SEMA5A: variants seen among roughly 807,000 people sequenced by gnomAD.
SEMA5A encodes the protein semaphorin 5A, also known as semaphorin-5A.
Under a neutral mutation model 135.5 loss-of-function variants are expected in SEMA5A, and 55 were observed. The observed-to-expected ratio is 0.41, with a 90% CI of 0.33 to 0.51. The LOEUF (loss-of-function observed/expected upper bound fraction) is 0.51. Among genes scored for constraint, SEMA5A ranks in the 20% least tolerant of loss-of-function variants. The probability of loss-of-function intolerance (pLI) is 0.37; values close to 1 mark genes in which losing one functional copy is unlikely to be tolerated. For missense variants in SEMA5A, 1,290 were observed against 1,419.9 expected (o/e 0.91, Z 1.47); for synonymous variants, 580 against 546.5 (o/e 1.06, Z -0.85).
At chr5:9,452,355 C>T (rs746648807) in intron 1 of SEMA5A, among the ~76,000 whole-genome samples, 1 of 152,210 alleles carries the variant, frequency 6.6e-6, no homozygotes, top group Non-Finnish European at 1.5e-5. Flanking sequence ...GCTGAAGCTG[C>T]ACTGGAATTC....
intron 15 of SEMA5A, among the ~76,000 whole-genome samples, chr5:9,114,489 A>G (rs1349775193): frequency 6.6e-6 from 1 of 152,170 alleles, no homozygotes. Context: ...GTAAAAGCAC[A>G]GTAAAAACTT....
intron 5 of SEMA5A, among the ~76,000 whole-genome samples, chr5:9,292,347 A>T (rs551105617): frequency 6.6e-6 from 1 of 152,190 alleles, no homozygotes; most frequent in Admixed American, 6.5e-5. Flanking sequence ...CGTTTACTCA[A>T]TCTAAAACCT....
Position 9,451,408 on chromosome 5 carries a change from T to C in SEMA5A, c.-174-13556A>G, listed in dbSNP as rs141435974. On this transcript the variant is annotated intron_variant, in intron 1 of 22. Transcript: ENST00000382496. ...CAAACTGCCTTGCCCTATGTGCCCT[T>C]TACTGCTTCTCTTTTTCAGGGTACG... 6.9e-3 allele frequency among the ~76,000 whole-genome samples: 1,045 copies of C among 152,288 alleles called. 13 individuals carry two copies. The highest frequency in any genetic ancestry group is 0.024 in the African/African-American group (996 of 41,556).
intron 22 of SEMA5A, 65 bp from the exon 23 acceptor site, chr5:9,043,081 C>T: frequency 5.8e-6 from 8 of 1,369,136 alleles, no homozygotes; most frequent in Non-Finnish European, 8.2e-6. Flanking sequence ...AATAATATAA[C>T]AAGGATGACT....
intron 1 of SEMA5A, among the ~76,000 whole-genome samples, chr5:9,462,145 G>C (rs1274175972): frequency 1.3e-5 from 2 of 152,084 alleles, no homozygotes; most frequent in Non-Finnish European, 2.9e-5. Context: ...TGTTCACCAA[G>C]TCTTCCCCAA....
chr5:9,437,413 G>C (rs1313367734), intron 2 of SEMA5A, among the ~76,000 whole-genome samples: 2 of 151,962 alleles, frequency 1.3e-5, no homozygotes, highest in African/African-American at 2.4e-5. Context: ...CTGGAGTGCA[G>C]TGGTGCAATC....
intron 4 of SEMA5A, among the ~76,000 whole-genome samples, chr5:9,323,592 A>AT (rs1579343887): frequency 7.2e-6 from 1 of 139,556 alleles, no homozygotes; most frequent in East Asian, 2.2e-4. Context: ...ATTTTTGTTG[A>AT]TTTTTTATTT....
chr5:9,070,954 A>G (rs1049124529), intron 16 of SEMA5A, among the ~76,000 whole-genome samples: 3 of 152,228 alleles, frequency 2.0e-5, no homozygotes, highest in African/African-American at 7.2e-5. Context: ...ACAATTTACT[A>G]GAGAACTGCT....
At chr5:9,151,097 T>A (rs1006125112) in intron 12 of SEMA5A, among the ~76,000 whole-genome samples, 1 of 152,196 alleles carries the variant, frequency 6.6e-6, no homozygotes, top group African/African-American at 2.4e-5. Context: ...ACAATGGATA[T>A]GGTATGCTAC....
chr5:9,356,467 T>C (rs961299090), intron 3 of SEMA5A, among the ~76,000 whole-genome samples: 1 of 152,090 alleles, frequency 6.6e-6, no homozygotes, highest in African/African-American at 2.4e-5. Flanking sequence ...GTAGACACTT[T>C]GGATTCCAAA....
At chr5:9,168,634 C>T (rs1428635606) in intron 11 of SEMA5A, among the ~76,000 whole-genome samples, 2 of 152,224 alleles carry the variant, frequency 1.3e-5, no homozygotes, top group African/African-American at 4.8e-5. Flanking sequence ...AGGGATACTA[C>T]CTTCAACCTG....
intron 1 of SEMA5A, among the ~76,000 whole-genome samples, chr5:9,447,968 C>T (rs1758495584): frequency 6.6e-6 from 1 of 152,138 alleles, no homozygotes; most frequent in South Asian, 2.1e-4. Flanking sequence ...ACTCTACAGC[C>T]CTCATCTAGG....
chr5:9,094,624 G>A (rs1034992841), intron 16 of SEMA5A, among the ~76,000 whole-genome samples: 2 of 152,166 alleles, frequency 1.3e-5, no homozygotes, highest in Non-Finnish European at 2.9e-5. Context: ...CTGACTTTAT[G>A]TGCGGAGCCC....
At chr5:9,518,957 T>A (rs1465683862) in intron 1 of SEMA5A, among the ~76,000 whole-genome samples, 1 of 152,124 alleles carries the variant, frequency 6.6e-6, no homozygotes, top group Non-Finnish European at 1.5e-5. Context: ...AAAGACTCAT[T>A]TGGGGATACC....
intron 1 of SEMA5A, among the ~76,000 whole-genome samples, chr5:9,510,960 G>T (rs1736169175): frequency 6.6e-6 from 1 of 152,180 alleles, no homozygotes. Flanking sequence ...CATTCCAGAA[G>T]ATACCCGAGA....
intron 12 of SEMA5A, among the ~76,000 whole-genome samples, chr5:9,138,560 C>G (rs1190950979): frequency 1.3e-5 from 2 of 152,056 alleles, no homozygotes; most frequent in African/African-American, 4.8e-5. Flanking sequence ...TTTGATGAAC[C>G]AACATTTATT....
At chr5:9,086,585 T>C (rs1459553376) in intron 16 of SEMA5A, among the ~76,000 whole-genome samples, 1 of 152,208 alleles carries the variant, frequency 6.6e-6, no homozygotes, top group East Asian at 1.9e-4. Flanking sequence ...CCTCTTTCTT[T>C]TGTAAATTGA....
intron 6 of SEMA5A, among the ~76,000 whole-genome samples, chr5:9,237,452 T>G (rs374796715): frequency 3.3e-5 from 5 of 152,198 alleles, no homozygotes; most frequent in East Asian, 3.8e-4. Flanking sequence ...TGTAATAAAT[T>G]TATTTGTCAT....
At chr5:9,154,461 T>A in intron 12 of SEMA5A, 27 bp downstream of exon 12, 1 of 1,608,076 alleles carries the variant, frequency 6.2e-7, no homozygotes. Context: ...CACACACCAG[T>A]GCATCCTGAC....
Sources: gnomAD v4.1 joint callset for allele counts (sites outside exome capture counted in the v4.1 genomes callset) on GRCh38, gnomAD v4.1.1 for gene constraint, MANE v1.5 for transcripts, NCBI Gene and HGNC (gene_info 2026-07-23, HGNC 2026-07-21) for gene names.